TMEM223: variants seen among roughly 807,000 people sequenced by gnomAD.
The protein encoded by TMEM223 is transmembrane protein 223.
In TMEM223, 14 loss-of-function variants were observed where a neutral mutation model predicts 14.1. The ratio of observed to expected loss-of-function variants is 0.99; its 90% CI spans 0.66 to 1.55. The LOEUF (loss-of-function observed/expected upper bound fraction) is 1.55. Among genes scored for constraint, TMEM223 ranks in the 40% most tolerant of loss-of-function variants. TMEM223 has a pLI of 0.00. For synonymous variants in TMEM223, 145 were observed against 120.5 expected (o/e 1.20, Z -1.33); for missense variants, 346 against 269.9 (o/e 1.28, Z -1.97).
At chr11:62,787,275 C>T (rs755834474), downstream of TMEM223, 17 of 1,553,122 alleles carry the variant, frequency 1.1e-5, no homozygotes, top group Non-Finnish European at 1.3e-5. Flanking sequence ...TCTCGGACTA[C>T]TCGCTGTACT....
At chr11:62,784,565 CAA>C (rs2084256696), downstream of TMEM223, among the ~76,000 whole-genome samples, 1 of 152,128 alleles carries the variant, frequency 6.6e-6, no homozygotes, top group Non-Finnish European at 1.5e-5. Flanking sequence ...CTTGGCCTCC[CAA>C]AGTGTTGGGA....
chr11:62,782,939 G>C, downstream of TMEM223: 2 of 1,473,530 alleles, frequency 1.4e-6, no homozygotes, highest in Non-Finnish European at 1.8e-6. Flanking sequence ...GCCATGTATT[G>C]AGTTCTGGCC....
At chr11:62,781,007 G>A (rs1350573879) in intron 1 of TMEM223, among the ~76,000 whole-genome samples, 6 of 150,936 alleles carry the variant, frequency 4.0e-5, no homozygotes, top group African/African-American at 9.8e-5. Flanking sequence ...AGGCCGAGGC[G>A]GGTGGATTGC....
At chr11:62,776,404 G>GCACACC in intron 1 of TMEM223, 1 of 1,613,656 alleles carries the variant, frequency 6.2e-7, no homozygotes, top group East Asian at 2.2e-5. Flanking sequence ...AGTTCATGAA[G>GCACACC]CACACCAAAC....
rs775720667 is a variant in TMEM223 at position 62,778,818 on chromosome 11, G to A, written c.315-4153C>T. 6 of 1,522,774 alleles carry A rather than the reference G, an allele frequency of 3.9e-6. No individual in the cohort carries two copies. The South Asian group carries it at 6.7e-5, about 17-fold the overall frequency. 94.3% of individuals were successfully genotyped at this position (1,522,774 alleles called of 1,614,324 possible). A position where few individuals can be genotyped will look rare whatever the true frequency, so the allele number is the denominator to read the frequency against. On this transcript the variant is annotated intron_variant, in intron 1 of 2. Transcript: ENST00000528367. The stretch of plus-strand genomic sequence containing the variant: ...GAGGGGGAGGAGGCTGGAGAGGCCA[G>A]GAGAGGGCCAGCTCTCCACCTGTCC...
intron 1 of TMEM223, among the ~76,000 whole-genome samples, chr11:62,775,076 A>G (rs956870621): frequency 1.8e-4 from 27 of 151,770 alleles, no homozygotes; most frequent in African/African-American, 2.7e-4. Context: ...AAAAAAAAAA[A>G]AAAAGAAAAG....
chr11:62,785,413 C>T (rs951300722), downstream of TMEM223, among the ~76,000 whole-genome samples: 2 of 150,234 alleles, frequency 1.3e-5, no homozygotes, highest in Non-Finnish European at 3.0e-5. Context: ...GGGCTCGTCT[C>T]GAACTCCTGA....
downstream of TMEM223, chr11:62,787,126 C>A (rs1309688729): frequency 1.3e-6 from 2 of 1,559,120 alleles, no homozygotes; most frequent in African/African-American, 2.8e-5. Context: ...CATAGCCGGG[C>A]GGCAGGCTGG....
rs11231213 is a variant in TMEM223, at chr11:62,779,955, T to C, written c.315-5290A>G. On this transcript the variant is annotated intron_variant, in intron 1 of 2. Coordinates refer to the TMEM223 transcript ENST00000528367. ...TGGTGGGATTACAGGCGTGAGCCTA[T>C]ATATATATATATATATATATATTTT... 5.0e-3 allele frequency among the ~76,000 whole-genome samples: 294 copies of C among 58,992 alleles called. 1 individual carries two copies. Among genetic ancestry groups the C allele is most frequent in the South Asian group, 0.016 (32 of 2,064 alleles). The allele number at this position is 58,992 out of a possible 152,430, so 38.7% of individuals were successfully genotyped here. A position where few individuals can be genotyped will look rare whatever the true frequency, so the allele number is the denominator to read the frequency against.
chr11:62,782,849 A>G (rs776960909), downstream of TMEM223: 1 of 1,612,880 alleles, frequency 6.2e-7, no homozygotes, highest in Non-Finnish European at 8.5e-7. Flanking sequence ...CCTTTCTCAC[A>G]CAGCCGTAAG....
intron 1 of TMEM223, chr11:62,782,429 T>C: frequency 7.4e-7 from 1 of 1,349,808 alleles, no homozygotes. Context: ...TGAGAGTCTA[T>C]GAGAAGATGG....
At chr11:62,775,822 T>G in intron 1 of TMEM223, 1 of 1,612,568 alleles carries the variant, frequency 6.2e-7, no homozygotes, top group East Asian at 2.2e-5. Flanking sequence ...TGGAGATCCC[T>G]CGGGAGTCTG....
chr11:62,787,035 G>A (rs1014300869), downstream of TMEM223: 3 of 1,509,356 alleles, frequency 2.0e-6, no homozygotes, highest in Non-Finnish European at 2.6e-6. Context: ...CACCCCGGCA[G>A]CAGGGCCCCG....
chr11:62,779,019 GTTTTTTT>G (rs373542247), intron 1 of TMEM223: 3 of 932,764 alleles, frequency 3.2e-6, no homozygotes, highest in Non-Finnish European at 3.2e-6. Flanking sequence ...TTCTAGACCT[GTTTTTTT>G]TTTTTTTTTT....
downstream of TMEM223, chr11:62,786,339 C>T: frequency 3.1e-6 from 5 of 1,614,220 alleles, no homozygotes; most frequent in Non-Finnish European, 4.2e-6. Flanking sequence ...TATTCAGTAT[C>T]TAATGCCCAG....
chr11:62,784,276 C>T (rs1590937869), downstream of TMEM223, among the ~76,000 whole-genome samples: 1 of 149,130 alleles, frequency 6.7e-6, no homozygotes, highest in Non-Finnish European at 1.5e-5. Context: ...GCGTGAGCCA[C>T]CGGTGCCTGG....
In TMEM223 at chr11:62,791,141, C is replaced by A. The variant is rs190459763; in HGVS notation, c.317-226G>T. ...CCTCCCAACAACCTTAATAGATGTC[C>A]GTTTCCATTTTAATGGGAAGATGGA... is the stretch of plus-strand genomic sequence containing the variant. On this transcript the variant is annotated intron_variant, in intron 1 of 1. Transcript: ENST00000307366. 6.0e-3 allele frequency among the ~76,000 whole-genome samples: 916 copies of A among 152,200 alleles called. 10 individuals carry two copies. The highest frequency in any genetic ancestry group is 0.023 in the South Asian group (112 of 4,820).
At chr11:62,787,170 C>G, downstream of TMEM223, 2 of 1,583,600 alleles carry the variant, frequency 1.3e-6, no homozygotes, top group African/African-American at 1.4e-5. Context: ...TCCAGACTGC[C>G]TTCCCCGCGC....
chr11:62,779,534 C>T (rs1013132454), intron 1 of TMEM223, among the ~76,000 whole-genome samples: 1 of 152,004 alleles, frequency 6.6e-6, no homozygotes, highest in African/African-American at 2.4e-5. Flanking sequence ...GCATGTTGGT[C>T]AGACTGGTCT....
Sources: gnomAD v4.1 joint callset for allele counts (sites outside exome capture counted in the v4.1 genomes callset) on GRCh38, gnomAD v4.1.1 for gene constraint, MANE v1.5 for transcripts, NCBI Gene and HGNC (gene_info 2026-07-23, HGNC 2026-07-21) for gene names.